The following SPNS1 variants were observed in gnomAD, a reference collection of about 807,000 sequenced individuals.
SPNS1 encodes the protein protein spinster homolog 1.
A neutral mutation model predicts 50.3 loss-of-function variants in SPNS1; 22 were observed. That is an observed-to-expected ratio of 0.44 (90% CI 0.31 to 0.62). The LOEUF (loss-of-function observed/expected upper bound fraction) is 0.62, where lower values mean the gene tolerates loss of function less well. Among genes scored for constraint, SPNS1 ranks in the 20% least tolerant of loss-of-function variants. The pLI is 0.07. For synonymous variants in SPNS1, 295 were observed against 317.4 expected, an observed-to-expected ratio of 0.93 and a Z score of 0.75; for missense variants, 576 against 728.6, an observed-to-expected ratio of 0.79 and a Z score of 2.41.
At position 28,981,727 on chromosome 16, in the gene SPNS1, G is replaced by T. The variant is rs886952347; in HGVS notation, c.809+112G>T. The T allele has an allele frequency of 6.6e-6, 10 of 1,520,840 alleles. No individual in the cohort carries two copies. The highest frequency in any genetic ancestry group is 7.1e-6 in the Non-Finnish European group (8 of 1,121,726). 94.2% of individuals were successfully genotyped at this position (1,520,840 alleles called of 1,614,324 possible). A position where few individuals can be genotyped will look rare whatever the true frequency, so the allele number is the denominator to read the frequency against. ...ACACCCCAAGGCCAGTAATTCGGTCGATACTGTCCCCTTGTGGCAGCTGCT... is the reference window on the plus strand; with the variant it reads ...ACACCCCAAGGCCAGTAATTCGGTCTATACTGTCCCCTTGTGGCAGCTGCT... On this transcript the variant is annotated intron_variant, in intron 6 of 11. Transcript: ENST00000311008. The surrounding 1 kb of genome is among the most constrained non-coding windows in gnomAD (Gnocchi z 4.2).
In SPNS1 at chr16:28,978,060, G is replaced by C. The variant is rs374695118; in HGVS notation, c.444+16G>C. Reference sequence around the variant, plus strand: ...CCCCGGAGAGGTGAGGCCCCAAGCTGGCTCCTGTTTCTGCCCACACCCCCT... The same window carrying C: ...CCCCGGAGAGGTGAGGCCCCAAGCTCGCTCCTGTTTCTGCCCACACCCCCT... On this transcript the variant is annotated intron_variant, in intron 3 of 11. Coordinates refer to ENST00000311008, the MANE Select transcript of SPNS1 (RefSeq NM_032038.3). The C allele has an allele frequency of 6.2e-7, 1 of 1,610,330 alleles. No individual in the cohort carries two copies. The highest frequency in any genetic ancestry group is 8.5e-7 in the Non-Finnish European group (1 of 1,177,658).
Position 28,983,169 on chromosome 16 carries a change from G to GT in SPNS1, c.1222-23_1222-22insT. On this transcript the variant is annotated intron_variant, in intron 9 of 11. Coordinates refer to ENST00000311008, the MANE Select transcript of SPNS1 (RefSeq NM_032038.3). The surrounding 1 kb of genome is among the most constrained non-coding windows in gnomAD (Gnocchi z 5.4). ...CCCCCTGGAGCCCAGAGCATCCACT[G>GT]AGCTCCACCAACTCCTCCACAGTAC... 6.3e-7 allele frequency: 1 copy of GT among 1,585,428 alleles called. No individual in the cohort carries two copies. The highest frequency in any genetic ancestry group is 2.2e-5 in the East Asian group (1 of 44,610).
At chr16:28,984,183 G>T in intron 11 of SPNS1, 22 bp from the exon 12 acceptor site, 1 of 1,545,046 alleles carries the variant, frequency 6.5e-7, no homozygotes, top group Non-Finnish European at 8.7e-7. Flanking sequence ...AGCTCACCCT[G>T]GCTCTGACCC....
intron 3 of SPNS1, 27 bp from the exon 4 acceptor site, chr16:28,979,128 C>G: frequency 6.2e-7 from 1 of 1,603,102 alleles, no homozygotes. Flanking sequence ...GGCTGGGGTG[C>G]CACCTCTCCC....
Position 28,981,466 on chromosome 16 carries a change from C to T in SPNS1, c.664-4C>T, listed in dbSNP as rs747670285. ...TGCCTATCCTGAAGCCCTCTGTCTC[C>T]CAGGTGACACCGGGTCTAGGAGTGG... On this transcript the variant is annotated splice_polypyrimidine_tract_variant and splice_region_variant and intron_variant, in intron 5 of 11. Coordinates refer to ENST00000311008, the MANE Select transcript of SPNS1 (RefSeq NM_032038.3). The surrounding 1 kb of genome is among the most constrained non-coding windows in gnomAD (Gnocchi z 4.2). The T allele has an allele frequency of 6.2e-7, 1 of 1,613,952 alleles. No individual in the cohort carries two copies. Among genetic ancestry groups the T allele is most frequent in the South Asian group, 1.1e-5 (1 of 91,080 alleles).
At chr16:28,975,918 TAAA>T (rs1965325137) in intron 2 of SPNS1, among the ~76,000 whole-genome samples, 1 of 152,160 alleles carries the variant, frequency 6.6e-6, no homozygotes, top group Non-Finnish European at 1.5e-5. Flanking sequence ...GAAGATTAAC[TAAA>T]AGATTGTCTG....
At chr16:28,984,047 G>C (rs999852543) in intron 11 of SPNS1, 90 bp downstream of exon 11, 3 of 1,477,606 alleles carry the variant, frequency 2.0e-6, no homozygotes, top group Non-Finnish European at 2.7e-6. Flanking sequence ...TGGCAGCTCA[G>C]TCCACAGCCC....
At chr16:28,976,164 T>C (rs945199181) in intron 2 of SPNS1, among the ~76,000 whole-genome samples, 6 of 151,980 alleles carry the variant, frequency 3.9e-5, no homozygotes, top group Non-Finnish European at 7.4e-5. Flanking sequence ...CCCAGGTACT[T>C]GGGAGGCTGA....
chr16:28,983,652 C>A lies in SPNS1; in HGVS notation c.1321-134C>A. The A allele has an allele frequency of 1.9e-6, 2 of 1,054,196 alleles. No homozygotes were observed. Among genetic ancestry groups the A allele is most frequent in the African/African-American group, 1.6e-5 (1 of 62,816 alleles). The allele number at this position is 1,054,196 out of a possible 1,614,324, so 65.3% of individuals were successfully genotyped here. ...GAGTAGCTGGGATGATAGGCATGAG[C>A]CACTGCATCTAGCTCAAACCTCCTT... On this transcript the variant is annotated intron_variant, in intron 10 of 11. Transcript: ENST00000311008. The surrounding 1 kb of genome is among the most constrained non-coding windows in gnomAD (Gnocchi z 5.4).
intron 8 of SPNS1, 47 bp downstream of exon 8, chr16:28,982,592 G>A: frequency 6.4e-7 from 1 of 1,552,728 alleles, no homozygotes; most frequent in Non-Finnish European, 8.7e-7. Flanking sequence ...GTCCAGGGTG[G>A]AGGAGCAGTC....
rs778292747 is a variant in SPNS1, at chr16:28,982,029, C to T, written c.938C>T (p.Pro313Leu). 6.2e-7 allele frequency: 1 copy of T among 1,614,066 alleles called. No individual in the cohort carries two copies. The highest frequency in any genetic ancestry group is 8.5e-7 in the Non-Finnish European group (1 of 1,180,030). The stretch of plus-strand genomic sequence containing the variant: ...CTTGGGGAGACCCCACCCTGCCTTC[C>T]CGGAGACTCCTGCTCTTCCTCTGAC... ...VVLGETPPCLPGDSCSSSDSL... is the reference protein window; with the variant it reads ...VVLGETPPCLLGDSCSSSDSL... Residue 313 changes from proline (P) to leucine (L), a missense_variant, in exon 7 of 12, where the codon CCC (proline) becomes CTC (leucine). This residue lies in a region of SPNS1 where 428 missense variants were observed against 520.1 expected (regional missense o/e 0.82). Transcript: ENST00000311008.
intron 11 of SPNS1, 107 bp from the exon 12 acceptor site, chr16:28,984,098 G>C (rs1371391115): frequency 6.9e-7 from 1 of 1,442,186 alleles, no homozygotes; most frequent in Admixed American, 2.3e-5. Context: ...TCCACCCCTG[G>C]GGTGGCTCTG....
At position 28,981,998 on chromosome 16, in the gene SPNS1, G is replaced by T. The variant is rs750067485; in HGVS notation, c.907G>T (p.Val303Leu). 3.7e-6 allele frequency: 6 copies of T among 1,614,194 alleles called. No individual in the cohort carries two copies. Among genetic ancestry groups the T allele is most frequent in the Non-Finnish European group, 5.1e-6 (6 of 1,180,044 alleles). The change falls in exon 7 of 12, where the codon GTG becomes TTG. Residue 303 changes from valine to leucine, a missense_variant. Physicochemically the swap from Val to Leu is conservative, Grantham distance 32. Around this residue, in one of 3 missense-constraint regions of SPNS1, gnomAD observed 428 missense variants for 520.1 expected, o/e 0.82. Coordinates refer to ENST00000311008, the MANE Select transcript of SPNS1 (RefSeq NM_032038.3). This position sits in a 1 kb window ranked among gnomAD's most constrained non-coding sequence, Gnocchi z 4.2. ...WAPAFLLRSRVVLGETPPCLP... is the reference protein window; with the variant it reads ...WAPAFLLRSRLVLGETPPCLP... ...TCCGGCATTCCTGCTGCGTTCCCGC[G>T]TGGTCCTTGGGGAGACCCCACCCTG... is the stretch of plus-strand genomic sequence containing the variant.
rs539803192 is a variant in SPNS1 at position 28,975,019 on chromosome 16, A to AG, written c.-130dup. 2.8e-5 allele frequency: 40 copies of AG among 1,435,248 alleles called. No individual in the cohort carries two copies. Among genetic ancestry groups the AG allele is most frequent in the Non-Finnish European group, 3.4e-5 (37 of 1,097,326 alleles). The allele number at this position is 1,435,248 out of a possible 1,614,324, so 88.9% of individuals were successfully genotyped here. ...CCTTCTCAGTGGTGCTCTGTGCTTC[A>AG]GGGCAAGCTCCCCGTCTCCGGGCGC... On this transcript the variant is annotated 5_prime_UTR_variant, in exon 1 of 12. Transcript: ENST00000311008.
In SPNS1 at chr16:28,982,841, C is replaced by A; in HGVS notation, c.1156-16C>A. 1 of 1,613,814 alleles carries A rather than the reference C, an allele frequency of 6.2e-7. No homozygotes were observed. On this transcript the variant is annotated splice_polypyrimidine_tract_variant and intron_variant, in intron 8 of 11. Transcript: ENST00000311008. ...AGCCCTTACTGTCATGAACCCCCGA[C>A]CCTCTCTTCCCCCAGATTTTCATCT...
rs755236919 is a variant in SPNS1, at chr16:28,979,220, C to A, written c.510C>A (p.Ile170=). ...TCGGGGAGGCCAGTTATTCCACCATCGCGCCCACTCTCATTGCCGACCTCT... is the reference window on the plus strand; with the variant it reads ...TCGGGGAGGCCAGTTATTCCACCATAGCGCCCACTCTCATTGCCGACCTCT... ...VGVGEASYST[I]APTLIADLFV... is the part of the protein sequence containing the mutation. The change falls in exon 4 of 12, where the codon ATC becomes ATA. Residue 170 remains isoleucine (I), a synonymous_variant. Transcript: ENST00000311008. 3.1e-6 allele frequency: 5 copies of A among 1,614,054 alleles called. No individual in the cohort carries two copies. The highest frequency in any genetic ancestry group is 1.3e-5 in the African/African-American group (1 of 74,934).
chr16:28,980,377 T>G (rs1459298412), intron 5 of SPNS1: 2 of 152,102 alleles, frequency 1.3e-5, no homozygotes, highest in African/African-American at 4.8e-5. Flanking sequence ...GCAATCCTCT[T>G]GCCTTGGCCT....
Position 28,981,781 on chromosome 16 carries a change from A to G in SPNS1, c.810-120A>G, listed in dbSNP as rs769191584. 1.1e-5 allele frequency: 16 copies of G among 1,501,928 alleles called. No individual in the cohort carries two copies. Among genetic ancestry groups the G allele is most frequent in the Admixed American group, 3.7e-5 (2 of 54,756 alleles). 93.0% of individuals were successfully genotyped at this position (1,501,928 alleles called of 1,614,324 possible). ...ATTACAGGCCCAGATCCTGGGAGCC[A>G]GAACCACCTCTGCACGGTGTTGTGA... On this transcript the variant is annotated intron_variant, in intron 6 of 11. Transcript: ENST00000311008. The surrounding 1 kb of genome is among the most constrained non-coding windows in gnomAD (Gnocchi z 4.2).
chr16:28,984,670 G>T, downstream of SPNS1: 1 of 642,700 alleles, frequency 1.6e-6, no homozygotes, highest in Admixed American at 2.4e-5. Flanking sequence ...CTTCTGGGCT[G>T]GGCGACTGAG....
Sources: allele counts gnomAD v4.1 joint callset (sites outside exome capture counted in the v4.1 genomes callset), GRCh38; gene constraint gnomAD v4.1.1; regional missense constraint gnomAD v4.1.1; non-coding constraint Gnocchi (gnomAD v3.1); transcripts MANE v1.5; gene names NCBI Gene and HGNC (gene_info 2026-07-23, HGNC 2026-07-21).